HBS1L: variants seen among roughly 807,000 people sequenced by gnomAD.
The protein encoded by HBS1L is HBS1 like translational GTPase.
HBS1L carries 55 observed loss-of-function variants against 88.9 expected under a neutral mutation model. The ratio of observed to expected loss-of-function variants is 0.62; its 90% CI spans 0.50 to 0.77. HBS1L has a LOEUF of 0.77. Ranked by LOEUF, HBS1L falls within the 30% of genes least tolerant of loss-of-function variation. HBS1L has a pLI of 0.00. For synonymous variants in HBS1L, 267 were observed against 288.5 expected (o/e 0.93, Z 0.76); for missense variants, 741 against 829.3 (o/e 0.89, Z 1.31).
At chr6:134,995,887 A>G (rs1387111358) in intron 7 of HBS1L, among the ~76,000 whole-genome samples, 1 of 152,084 alleles carries the variant, frequency 6.6e-6, no homozygotes, top group Admixed American at 6.6e-5. Flanking sequence ...AGAGCTAAGG[A>G]ATACTGTGAC....
At chr6:135,029,728 A>G (rs1409776068) in intron 4 of HBS1L, among the ~76,000 whole-genome samples, 2 of 152,182 alleles carry the variant, frequency 1.3e-5, no homozygotes, top group Non-Finnish European at 2.9e-5. Context: ...TGGAACACTT[A>G]AAATGTTCAT....
At chr6:135,053,310 T>C (rs1012935903) in intron 1 of HBS1L, among the ~76,000 whole-genome samples, 4 of 152,214 alleles carry the variant, frequency 2.6e-5, no homozygotes, top group Non-Finnish European at 5.9e-5. Flanking sequence ...GTAACTCGTA[T>C]AATCTTCTCC....
intron 2 of HBS1L, among the ~76,000 whole-genome samples, chr6:135,046,140 TGCTTA>T (rs894852083): frequency 6.6e-6 from 1 of 152,214 alleles, no homozygotes; most frequent in Non-Finnish European, 1.5e-5. Flanking sequence ...CAGAGGCCAT[TGCTTA>T]AGCAACGTTG....
At chr6:135,035,690 G>A (rs1306104176) in intron 4 of HBS1L, among the ~76,000 whole-genome samples, 2 of 141,452 alleles carry the variant, frequency 1.4e-5, no homozygotes, top group Non-Finnish European at 3.0e-5. Context: ...GGCGGAGCTT[G>A]CAGTGAGCAG....
chr6:135,030,498 G>A (rs553202433), intron 4 of HBS1L, among the ~76,000 whole-genome samples: 1 of 152,248 alleles, frequency 6.6e-6, no homozygotes, highest in South Asian at 2.1e-4. Context: ...ACAGAAATGA[G>A]TTCATAAAAG....
intron 4 of HBS1L, among the ~76,000 whole-genome samples, chr6:135,039,294 G>A (rs1015647384): frequency 2.6e-5 from 4 of 151,988 alleles, no homozygotes; most frequent in African/African-American, 7.3e-5. Context: ...CTCCAGCCTG[G>A]GTGACAGAGT....
intron 4 of HBS1L, among the ~76,000 whole-genome samples, chr6:135,014,851 C>T (rs1279193826): frequency 1.2e-5 from 1 of 85,378 alleles, no homozygotes; most frequent in Non-Finnish European, 2.2e-5. Context: ...ACTGTCTCTA[C>T]AAAAAAAAAA....
At chr6:135,008,698 T>C (rs865916783) in intron 4 of HBS1L, among the ~76,000 whole-genome samples, 7 of 152,024 alleles carry the variant, frequency 4.6e-5, no homozygotes, top group African/African-American at 1.7e-4. Flanking sequence ...ACACAACTGA[T>C]ACAGACTCGC....
Position 135,037,451 on chromosome 6 carries a change from C to T in HBS1L, c.430+2122G>A, listed in dbSNP as rs796295887. On this transcript the variant is annotated intron_variant, in intron 4 of 17. Transcript: ENST00000367837. ...GTTTCTTTACTAGCATTTAAATTAT[C>T]AACAGTCATATTTTCCAACGAGCTA... 36 of 1,549,400 alleles carry T rather than the reference C, an allele frequency of 2.3e-5. No individual in the cohort carries two copies. The Admixed American group carries it at 5.9e-4, about 25-fold the overall frequency.
At chr6:135,047,618 T>C (rs905375384) in intron 2 of HBS1L, among the ~76,000 whole-genome samples, 1 of 152,222 alleles carries the variant, frequency 6.6e-6, no homozygotes, top group Non-Finnish European at 1.5e-5. Flanking sequence ...GAGAACACTG[T>C]CCTAAAATAG....
chr6:135,027,339 G>A (rs1243613691), intron 4 of HBS1L: 1 of 151,460 alleles, frequency 6.6e-6, no homozygotes, highest in African/African-American at 2.4e-5. Flanking sequence ...AATAAACAGA[G>A]TACAGATCAC....
At chr6:135,009,247 T>C (rs1775699137) in intron 4 of HBS1L, among the ~76,000 whole-genome samples, 1 of 152,138 alleles carries the variant, frequency 6.6e-6, no homozygotes, top group Admixed American at 6.5e-5. Flanking sequence ...AAAATATATA[T>C]ATATGAATTA....
intron 4 of HBS1L, among the ~76,000 whole-genome samples, chr6:135,022,889 G>A (rs1005633021): frequency 6.7e-6 from 1 of 149,496 alleles, no homozygotes. Context: ...TCCAGGATAA[G>A]GATAAAATCT....
chr6:135,024,837 A>T (rs1182153410), intron 4 of HBS1L, among the ~76,000 whole-genome samples: 1 of 152,176 alleles, frequency 6.6e-6, no homozygotes, highest in African/African-American at 2.4e-5. Context: ...TAAGAAGTTC[A>T]CATTCCAAAA....
At chr6:135,028,266 A>AT (rs1776291338) in intron 4 of HBS1L, among the ~76,000 whole-genome samples, 1 of 148,490 alleles carries the variant, frequency 6.7e-6, no homozygotes, top group African/African-American at 2.5e-5. Flanking sequence ...CAAGGTAATA[A>AT]AAAAAAAAAA....
intron 7 of HBS1L, among the ~76,000 whole-genome samples, chr6:134,994,456 T>A (rs1208984795): frequency 1.3e-5 from 2 of 152,154 alleles, no homozygotes; most frequent in African/African-American, 4.8e-5. Context: ...AGTGCCTTTT[T>A]TCAGCCACAA....
At chr6:135,028,843 C>G (rs1398372248) in intron 4 of HBS1L, among the ~76,000 whole-genome samples, 1 of 151,682 alleles carries the variant, frequency 6.6e-6, no homozygotes, top group African/African-American at 2.4e-5. Flanking sequence ...GCAGTAAATA[C>G]AACAACAAAA....
At chr6:134,984,445 A>G (rs2114779071) in intron 12 of HBS1L, among the ~76,000 whole-genome samples, 1 of 152,300 alleles carries the variant, frequency 6.6e-6, no homozygotes, top group African/African-American at 2.4e-5. Flanking sequence ...ATGCTGCATG[A>G]AAGCACAATG....
intron 4 of HBS1L, among the ~76,000 whole-genome samples, chr6:135,024,619 A>G (rs527818671): frequency 5.6e-4 from 85 of 151,064 alleles, no homozygotes; most frequent in African/African-American, 2.0e-3. Context: ...TTATTCCACA[A>G]TTTTATTACC....
Sources: allele counts gnomAD v4.1 joint callset (sites outside exome capture counted in the v4.1 genomes callset), GRCh38; gene constraint gnomAD v4.1.1; transcripts MANE v1.5; gene names NCBI Gene and HGNC (gene_info 2026-07-23, HGNC 2026-07-21).